SCML4: variants seen among roughly 807,000 people sequenced by gnomAD.
The protein encoded by SCML4 is Scm polycomb group protein like 4.
A neutral mutation model predicts 41.1 loss-of-function variants in SCML4; 34 were observed. The ratio of observed to expected loss-of-function variants is 0.83; its 90% confidence interval spans 0.63 to 1.10. SCML4 has a LOEUF of 1.10. Among genes scored for constraint, SCML4 ranks in the 50% least tolerant of loss-of-function variants. The pLI is 0.00. For synonymous variants in SCML4, 214 were observed against 220.9 expected (o/e 0.97, Z 0.28); for missense variants, 522 against 534.1 (o/e 0.98, Z 0.22).
rs1490449555 is a variant in SCML4 at position 107,719,237 on chromosome 6, TGGAG to T, written c.973+1462_973+1465del. The T allele has an allele frequency of 2.6e-5, 4 of 152,454 alleles. No homozygotes were observed. In the East Asian group the frequency reaches 7.7e-4, roughly 29 times the overall value. 9.4% of individuals were successfully genotyped at this position (152,454 alleles called of 1,614,324 possible). On this transcript the variant is annotated intron_variant, in intron 6 of 7. Coordinates refer to ENST00000369020, the MANE Select transcript of SCML4 (RefSeq NM_198081.5). ...TCTCTACATTTGGTAAGAGCTGCTG[TGGAG>T]GGAGAATCTGCGCTCTACCCCTCAG...
chr6:107,785,427 A>T (rs911023795), intron 1 of SCML4, among the ~76,000 whole-genome samples: 6 of 152,222 alleles, frequency 3.9e-5, no homozygotes, highest in African/African-American at 1.4e-4. Flanking sequence ...GCCCTTAGAC[A>T]GGGTGAGGCA....
chr6:107,829,693 T>C, the SCML4 span, among the ~76,000 whole-genome samples: 11 of 152,268 alleles, frequency 7.2e-5, no homozygotes, highest in Admixed American at 5.2e-4. Context: ...CCATGGCACA[T>C]GTATACCTAT....
intron 1 of SCML4, among the ~76,000 whole-genome samples, chr6:107,789,011 C>G (rs1020966885): frequency 6.6e-6 from 1 of 152,208 alleles, no homozygotes; most frequent in Non-Finnish European, 1.5e-5. Context: ...TCTCAGCTGT[C>G]CTGATAGGCA....
chr6:107,758,249 G>C (rs1436501352), intron 2 of SCML4, among the ~76,000 whole-genome samples: 1 of 152,196 alleles, frequency 6.6e-6, no homozygotes, highest in East Asian at 1.9e-4. Flanking sequence ...CAGGATGTGA[G>C]TGGCTAGAGG....
chr6:107,709,422 C>G (rs372884150), intron 6 of SCML4, among the ~76,000 whole-genome samples: 66 of 152,258 alleles, frequency 4.3e-4, no homozygotes, highest in African/African-American at 1.5e-3. Context: ...TGCCCTGCCC[C>G]GAGGCTGACC....
chr6:107,719,101 T>G (rs1366934527), intron 6 of SCML4: 1 of 152,264 alleles, frequency 6.6e-6, no homozygotes, highest in African/African-American at 2.4e-5. Flanking sequence ...CTCTTGTTCT[T>G]AGGAATCAAA....
intron 6 of SCML4, chr6:107,718,478 C>T (rs560938224): frequency 6.6e-6 from 1 of 152,382 alleles, no homozygotes; most frequent in Non-Finnish European, 1.5e-5. Flanking sequence ...CAGACTCATA[C>T]ACAGGAGAAC....
chr6:107,844,819 T>A, the SCML4 span, among the ~76,000 whole-genome samples: 31 of 151,936 alleles, frequency 2.0e-4, no homozygotes, highest in Admixed American at 2.0e-3. Context: ...CCCAACACTT[T>A]GGGAGGCCAA....
chr6:107,789,411 C>T (rs996275179), intron 1 of SCML4, among the ~76,000 whole-genome samples: 2 of 152,186 alleles, frequency 1.3e-5, no homozygotes, highest in African/African-American at 4.8e-5. Flanking sequence ...CCCCACTGCC[C>T]CGCATAAACA....
intron 2 of SCML4, among the ~76,000 whole-genome samples, chr6:107,752,211 G>C (rs1164078154): frequency 6.6e-6 from 1 of 152,006 alleles, no homozygotes; most frequent in African/African-American, 2.4e-5. Context: ...TTTTGTTGTT[G>C]TTGTTTATTT....
At chr6:107,766,655 C>G (rs1780070876) in intron 2 of SCML4, among the ~76,000 whole-genome samples, 1 of 152,220 alleles carries the variant, frequency 6.6e-6, no homozygotes. Flanking sequence ...AAAACATTTA[C>G]CAGCCTACCA....
intron 2 of SCML4, among the ~76,000 whole-genome samples, chr6:107,757,708 G>A (rs1369147416): frequency 1.3e-5 from 2 of 152,302 alleles, no homozygotes; most frequent in East Asian, 3.9e-4. Context: ...TTAGCATAAT[G>A]CAAAGTGAGA....
upstream of SCML4, among the ~76,000 whole-genome samples, chr6:107,824,859 G>A (rs1466940543): frequency 6.6e-6 from 1 of 152,184 alleles, no homozygotes; most frequent in Non-Finnish European, 1.5e-5. Context: ...CATTGTTCAG[G>A]AGACCCTGTG....
chr6:107,806,883 G>A (rs1241816382), intron 1 of SCML4, among the ~76,000 whole-genome samples: 1 of 152,202 alleles, frequency 6.6e-6, no homozygotes, highest in African/African-American at 2.4e-5. Context: ...GCTGGGCAGA[G>A]CTTCAGGCCC....
intron 1 of SCML4, among the ~76,000 whole-genome samples, chr6:107,823,242 C>T (rs991651928): frequency 3.3e-5 from 5 of 152,138 alleles, no homozygotes; most frequent in African/African-American, 9.7e-5. Flanking sequence ...AGAGACAACA[C>T]GAGGAGACAC....
At position 107,703,489 on chromosome 6, in the gene SCML4, C is replaced by T. The variant is rs1773340489; in HGVS notation, c.*1711G>A. ...AGGCTACGATGTGCTTTCTCAAGTA[C>T]TGCACATGAAAGTGGGCCTAACGGC... is the stretch of plus-strand genomic sequence containing the variant. On this transcript the variant is annotated 3_prime_UTR_variant, in exon 8 of 8. Transcript: ENST00000369020. Among the ~76,000 whole-genome samples the T allele has an allele frequency of 6.6e-6, 1 of 152,254 alleles. No individual in the cohort carries two copies. The highest frequency in any genetic ancestry group is 1.5e-5 in the Non-Finnish European group (1 of 68,046).
intron 1 of SCML4, among the ~76,000 whole-genome samples, chr6:107,788,927 T>A (rs1001986221): frequency 2.0e-5 from 3 of 152,168 alleles, no homozygotes; most frequent in African/African-American, 7.2e-5. Flanking sequence ...CCCCAGTGTG[T>A]GTTTCCCTGA....
At chr6:107,843,182 G>A in the SCML4 span, among the ~76,000 whole-genome samples, 1 of 152,080 alleles carries the variant, frequency 6.6e-6, no homozygotes, top group African/African-American at 2.4e-5. Context: ...ACAGATCTAA[G>A]AAGCTCAGAA....
intron 2 of SCML4, 37 bp downstream of exon 2, chr6:107,772,135 C>T: frequency 6.6e-7 from 1 of 1,526,252 alleles, no homozygotes; most frequent in Non-Finnish European, 8.8e-7. Flanking sequence ...TGCCCCAGCC[C>T]AATACCACTT....
Sources: allele counts gnomAD v4.1 joint callset (sites outside exome capture counted in the v4.1 genomes callset), GRCh38; gene constraint gnomAD v4.1.1; transcripts MANE v1.5; gene names NCBI Gene and HGNC (gene_info 2026-07-23, HGNC 2026-07-21).